SCD5: variants seen among roughly 807,000 people sequenced by gnomAD.
SCD5 encodes the protein stearoyl-CoA desaturase 5.
SCD5 carries 20 observed loss-of-function variants against 30.4 expected under a neutral mutation model. The ratio of observed to expected loss-of-function variants is 0.66; its 90% CI spans 0.46 to 0.96. SCD5 has a LOEUF of 0.96. SCD5 is among the 40% of genes least tolerant of loss of function. The probability of loss-of-function intolerance (pLI) is 0.00; values close to 1 mark genes in which losing one functional copy is unlikely to be tolerated. For synonymous variants in SCD5, 173 were observed against 176.4 expected, an observed-to-expected ratio of 0.98 and a Z score of 0.16; for missense variants, 381 against 443.3, an observed-to-expected ratio of 0.86 and a Z score of 1.26.
chr4:82,664,337 A>G (rs1049665639), intron 3 of SCD5, among the ~76,000 whole-genome samples: 1 of 152,226 alleles, frequency 6.6e-6, no homozygotes, highest in African/African-American at 2.4e-5. Context: ...TGAAAGAAAA[A>G]GAGATGTGCC....
At chr4:82,657,394 A>G (rs1336165319) in intron 3 of SCD5, among the ~76,000 whole-genome samples, 1 of 152,184 alleles carries the variant, frequency 6.6e-6, no homozygotes, top group Non-Finnish European at 1.5e-5. Context: ...GGTTCATCAA[A>G]GATCAGATGG....
chr4:82,738,982 G>A (rs923648224), intron 1 of SCD5, among the ~76,000 whole-genome samples: 3 of 152,164 alleles, frequency 2.0e-5, no homozygotes, highest in South Asian at 2.1e-4. Flanking sequence ...CCTCTCAGAG[G>A]ATGGGCAAAT....
rs1032030182 is a variant in SCD5, at chr4:82,728,117, T to C, written c.233-22704A>G. 2.0e-5 allele frequency among the ~76,000 whole-genome samples: 3 copies of C among 152,026 alleles called. No homozygotes were observed. In the East Asian group the frequency reaches 5.8e-4, roughly 29 times the overall value. On this transcript the variant is annotated intron_variant, in intron 1 of 4. Transcript: ENST00000319540. ...GCCTGGGTGACAGAGTGAAACCCTG[T>C]CTCTAAAAATAATAATAATAAATAA...
At chr4:82,777,494 AC>A (rs1403502552) in intron 1 of SCD5, among the ~76,000 whole-genome samples, 1 of 152,180 alleles carries the variant, frequency 6.6e-6, no homozygotes. Flanking sequence ...GAGGATACAC[AC>A]AGGGTATACT....
At chr4:82,665,231 CAAAA>C (rs35422547) in intron 3 of SCD5, among the ~76,000 whole-genome samples, 3 of 72,152 alleles carry the variant, frequency 4.2e-5, no homozygotes, top group Non-Finnish European at 8.3e-5. Context: ...GACCCTGTCT[CAAAA>C]AAAAAAAAAA....
chr4:82,731,591 T>A (rs983590153), intron 1 of SCD5, among the ~76,000 whole-genome samples: 2 of 152,230 alleles, frequency 1.3e-5, no homozygotes, highest in African/African-American at 4.8e-5. Context: ...GTTCTGCTCT[T>A]GCAGCCTAAA....
At chr4:82,708,334 C>G (rs921319370) in intron 1 of SCD5, among the ~76,000 whole-genome samples, 1 of 152,078 alleles carries the variant, frequency 6.6e-6, no homozygotes, top group Non-Finnish European at 1.5e-5. Context: ...ATAAAATAGA[C>G]CCGTCCCAAA....
chr4:82,730,276 T>TATATAA (rs1553918185), intron 1 of SCD5, among the ~76,000 whole-genome samples: 39,367 of 146,512 alleles, frequency 0.27, 6,811 homozygotes, highest in African/African-American at 0.49. Flanking sequence ...TATATATAGT[T>TATATAA]ATATATACTA....
intron 1 of SCD5, among the ~76,000 whole-genome samples, chr4:82,767,178 T>C (rs536395862): frequency 6.6e-6 from 1 of 152,260 alleles, no homozygotes; most frequent in African/African-American, 2.4e-5. Flanking sequence ...CACTGAGTAG[T>C]ACTCAGCTAA....
chr4:82,669,675 G>A (rs1201439254), intron 3 of SCD5, among the ~76,000 whole-genome samples: 3 of 152,102 alleles, frequency 2.0e-5, no homozygotes, highest in Non-Finnish European at 4.4e-5. Flanking sequence ...CCAGGAGCTT[G>A]ACCAGGTTCT....
chr4:82,688,741 T>A (rs1478954201), intron 2 of SCD5, among the ~76,000 whole-genome samples: 4 of 152,094 alleles, frequency 2.6e-5, no homozygotes, highest in African/African-American at 9.7e-5. Flanking sequence ...AAAGTCAACC[T>A]TAGTAGTTTA....
At chr4:82,753,543 G>A (rs551060985) in intron 1 of SCD5, 64 of 425,184 alleles carry the variant, frequency 1.5e-4, no homozygotes, top group Admixed American at 5.1e-4. Flanking sequence ...GTCACCTGCG[G>A]GGAAGGGTTT....
intron 1 of SCD5, among the ~76,000 whole-genome samples, chr4:82,706,651 T>C (rs1423372527): frequency 6.6e-6 from 1 of 152,264 alleles, no homozygotes; most frequent in Non-Finnish European, 1.5e-5. Flanking sequence ...AGCTGGGGTT[T>C]ACCAAAGATT....
chr4:82,711,709 A>T (rs989920583), intron 1 of SCD5, among the ~76,000 whole-genome samples: 2 of 58,366 alleles, frequency 3.4e-5, no homozygotes, highest in Non-Finnish European at 7.2e-5. Context: ...TTGTCTTAAA[A>T]AAAAAAAAAA....
intron 2 of SCD5, among the ~76,000 whole-genome samples, chr4:82,689,434 C>A (rs938349904): frequency 6.6e-6 from 1 of 152,018 alleles, no homozygotes; most frequent in African/African-American, 2.4e-5. Context: ...TCCCACTGAA[C>A]AAACTGGGGT....
At chr4:82,760,935 A>G (rs1054157777) in intron 1 of SCD5, among the ~76,000 whole-genome samples, 1 of 152,202 alleles carries the variant, frequency 6.6e-6, no homozygotes, top group African/African-American at 2.4e-5. Context: ...CACACATAAC[A>G]AGAGTGTGGG....
intron 1 of SCD5, among the ~76,000 whole-genome samples, chr4:82,744,183 ATTTAT>A (rs1335935467): frequency 1.3e-5 from 2 of 152,300 alleles, no homozygotes; most frequent in African/African-American, 4.8e-5. Context: ...TGATAGTTAC[ATTTAT>A]TTTGTCTGTT....
At chr4:82,787,376 C>T (rs999591038) in intron 1 of SCD5, among the ~76,000 whole-genome samples, 2 of 151,892 alleles carry the variant, frequency 1.3e-5, no homozygotes, top group African/African-American at 4.8e-5. Context: ...ATTCCCTGTG[C>T]CCAGAGTAAC....
chr4:82,790,968 G>T (rs1722087114), intron 1 of SCD5, among the ~76,000 whole-genome samples: 1 of 152,142 alleles, frequency 6.6e-6, no homozygotes, highest in Non-Finnish European at 1.5e-5. Context: ...GGCTGGGTGT[G>T]GTGGCTCATG....
Sources: gnomAD v4.1 joint callset for allele counts (sites outside exome capture counted in the v4.1 genomes callset) on GRCh38, gnomAD v4.1.1 for gene constraint, MANE v1.5 for transcripts, NCBI Gene and HGNC (gene_info 2026-07-23, HGNC 2026-07-21) for gene names.